The following DNAH9 variants were observed in gnomAD, a reference collection of about 807,000 sequenced individuals.
The protein encoded by DNAH9 is dynein axonemal heavy chain 9.
DNAH9 carries 345 observed loss-of-function variants against 471.6 expected under a neutral mutation model. The ratio of observed to expected loss-of-function variants is 0.73; its 90% confidence interval spans 0.67 to 0.80. DNAH9 has a LOEUF of 0.80. Ranked by LOEUF, DNAH9 falls within the 30% of genes least tolerant of loss-of-function variation. The pLI, the probability that DNAH9 is intolerant of heterozygous loss-of-function variation, is 0.00. For missense variants in DNAH9, 5,407 were observed against 5,609.2 expected (o/e 0.96, Z 1.15); for synonymous variants, 2,093 against 2,123.6 (o/e 0.99, Z 0.40).
rs1221647520 is a variant in DNAH9, at chr17:11,962,647, A to C, written c.13233+391A>C. Among the ~76,000 whole-genome samples, 1 of 152,192 alleles carries C rather than the reference A, an allele frequency of 6.6e-6. No homozygotes were observed. Among genetic ancestry groups the C allele is most frequent in the African/African-American group, 2.4e-5 (1 of 41,456 alleles). On this transcript the variant is annotated intron_variant, in intron 68 of 68. Transcript: ENST00000262442. This position sits in a 1 kb window ranked among gnomAD's most constrained non-coding sequence, Gnocchi z 4.1. Reference sequence around the variant, plus strand: ...CTTGAACAGTGCCTGGCACATAGGCAGTTATCAAAAAATGTTGGAGTCAGC... The same window carrying C: ...CTTGAACAGTGCCTGGCACATAGGCCGTTATCAAAAAATGTTGGAGTCAGC...
chr17:11,745,619 C>A (rs2075512653), intron 31 of DNAH9, among the ~76,000 whole-genome samples: 1 of 151,988 alleles, frequency 6.6e-6, no homozygotes, highest in Non-Finnish European at 1.5e-5. Context: ...ACAAAAACAG[C>A]CAGTGAAAAT....
At chr17:11,929,843 G>T (rs754778007) in intron 62 of DNAH9, 23 bp from the exon 63 acceptor site, 3 of 1,599,334 alleles carry the variant, frequency 1.9e-6, no homozygotes, top group East Asian at 2.2e-5. Context: ...TGTATTGAGG[G>T]GGGGCTCCTT....
chr17:11,677,007 T>C (rs2074059906), intron 17 of DNAH9, among the ~76,000 whole-genome samples: 2 of 152,228 alleles, frequency 1.3e-5, no homozygotes, highest in South Asian at 2.1e-4. Context: ...AAATGATATG[T>C]CTAATAACAA....
Position 11,654,094 on chromosome 17 carries a change from G to GT in DNAH9, c.2595+1092_2595+1093insT, listed in dbSNP as rs2073573459. Reference sequence around the variant, plus strand: ...ATCTAGGCCGGGCGCGGTGGCTCACGCTTGTAATCCCAGCACTTTGGGAGG... The same window carrying GT: ...ATCTAGGCCGGGCGCGGTGGCTCACGTCTTGTAATCCCAGCACTTTGGGAGG... On this transcript the variant is annotated intron_variant, in intron 14 of 68. Transcript: ENST00000262442. Among the ~76,000 whole-genome samples the GT allele has an allele frequency of 3.0e-5, 2 of 66,914 alleles. 1 individual carries two copies. The highest frequency in any genetic ancestry group is 7.3e-5 in the Non-Finnish European group (2 of 27,392). 43.9% of individuals were successfully genotyped at this position (66,914 alleles called of 152,430 possible). A position where few individuals can be genotyped will look rare whatever the true frequency, so the allele number is the denominator to read the frequency against.
chr17:11,877,473 T>TAAAAAAAAAAAA (rs550300868), intron 53 of DNAH9, among the ~76,000 whole-genome samples: 2 of 68,608 alleles, frequency 2.9e-5, no homozygotes, highest in African/African-American at 6.9e-5. Context: ...AAACTCTGTC[T>TAAAAAAAAAAAA]AAAAAAAAAA....
At position 11,933,989 on chromosome 17, in the gene DNAH9, G is replaced by A. The variant is rs143624582; in HGVS notation, c.12407G>A (p.Arg4136Gln). The change falls in exon 65 of 69, where the codon CGA (arginine) becomes CAA (glutamine). Residue 4136 changes from arginine to glutamine, a missense_variant. Transcript: ENST00000262442. ...LCRTYLGEFI[R>Q]PEMLEGELSL... Reference sequence around the variant, plus strand: ...AGAACCTACCTGGGGGAATTCATTCGACCAGAAATGTTAGAAGGAGAACTG... The same window carrying A: ...AGAACCTACCTGGGGGAATTCATTCAACCAGAAATGTTAGAAGGAGAACTG... 2.3e-5 allele frequency: 37 copies of A among 1,614,104 alleles called. No homozygotes were observed. In the Admixed American group the frequency reaches 4.2e-4, roughly 18 times the overall value.
rs533359288 is a variant in DNAH9 at position 11,697,024 on chromosome 17, A to G, written c.4872+2577A>G. ...GCTGGAACTACAGGCATGAGCCACC[A>G]CACCCAGCTAATTTTTTAAAATTCT... On this transcript the variant is annotated intron_variant, in intron 22 of 68. Coordinates refer to ENST00000262442, the MANE Select transcript of DNAH9 (RefSeq NM_001372.4). Among the ~76,000 whole-genome samples the G allele has an allele frequency of 3.2e-3, 487 of 152,224 alleles. 5 individuals are homozygous for G. The highest frequency in any genetic ancestry group is 0.017 in the Middle Eastern group (5 of 294).
chr17:11,599,262 G>T (rs2072334237), intron 1 of DNAH9, among the ~76,000 whole-genome samples: 5 of 152,102 alleles, frequency 3.3e-5, no homozygotes. Flanking sequence ...TCTGAAGAGT[G>T]CCTAGGTTCT....
chr17:11,762,022 A>G (rs994703440), intron 35 of DNAH9, among the ~76,000 whole-genome samples: 4 of 150,634 alleles, frequency 2.7e-5, no homozygotes, highest in African/African-American at 9.7e-5. Flanking sequence ...AGCCCAAGAG[A>G]GTTGTGTTAT....
intron 30 of DNAH9, among the ~76,000 whole-genome samples, chr17:11,744,166 A>G (rs981727932): frequency 1.3e-5 from 2 of 152,120 alleles, no homozygotes; most frequent in Non-Finnish European, 2.9e-5. Flanking sequence ...TTAAGTAGCA[A>G]TCTGCTACAA....
At chr17:11,951,326 T>C (rs1975353604) in intron 67 of DNAH9, among the ~76,000 whole-genome samples, 2 of 152,170 alleles carry the variant, frequency 1.3e-5, no homozygotes, top group African/African-American at 4.8e-5. Context: ...TAACCACAGG[T>C]TGGCAAGCAA....
At chr17:11,914,592 A>G (rs1442726736) in intron 61 of DNAH9, among the ~76,000 whole-genome samples, 3 of 152,204 alleles carry the variant, frequency 2.0e-5, no homozygotes, top group East Asian at 1.9e-4. Flanking sequence ...TTTTGCTTAT[A>G]TAGCAGTTTG....
chr17:11,841,306 G>A (rs1971021378), intron 49 of DNAH9, among the ~76,000 whole-genome samples: 1 of 152,162 alleles, frequency 6.6e-6, no homozygotes, highest in Admixed American at 6.6e-5. Context: ...GAAAAATGTG[G>A]TCCATGCTTT....
At chr17:11,641,277 AG>A (rs1346396542) in intron 10 of DNAH9, among the ~76,000 whole-genome samples, 1 of 151,970 alleles carries the variant, frequency 6.6e-6, no homozygotes, top group African/African-American at 2.4e-5. Flanking sequence ...CAAGCAGAAA[AG>A]CAGACCCAAT....
chr17:11,767,514 T>C (rs1345702064), intron 36 of DNAH9, among the ~76,000 whole-genome samples: 2 of 152,248 alleles, frequency 1.3e-5, no homozygotes, highest in Non-Finnish European at 2.9e-5. Flanking sequence ...GTTGTTACCA[T>C]GTGCCCAGCT....
Position 11,610,504 on chromosome 17 carries a change from A to G in DNAH9, c.723A>G (p.Leu241=). 6.2e-7 allele frequency: 1 copy of G among 1,613,394 alleles called. No homozygotes were observed. Among genetic ancestry groups the G allele is most frequent in the Non-Finnish European group, 8.5e-7 (1 of 1,179,948 alleles). ...AGAGAGAGTCTTCCCAGCCACTCTT[A>G]CAAGGGGAGAATCCCACCCCTAAGG... is the stretch of plus-strand genomic sequence containing the variant. ...VLKRESSQPL[L]QGENPTPKVE... Residue 241 remains leucine, a synonymous_variant, in exon 3 of 69, where the codon TTA becomes TTG. Transcript: ENST00000262442.
intron 27 of DNAH9, among the ~76,000 whole-genome samples, chr17:11,720,925 C>G (rs557466279): frequency 6.6e-6 from 1 of 152,110 alleles, no homozygotes; most frequent in Non-Finnish European, 1.5e-5. Flanking sequence ...TTTTCTCCCC[C>G]CTTTATAGAA....
chr17:11,772,286 G>T (rs1241557738), intron 38 of DNAH9, among the ~76,000 whole-genome samples: 1 of 151,814 alleles, frequency 6.6e-6, no homozygotes, highest in African/African-American at 2.4e-5. Context: ...CAGAAAAAGT[G>T]ATTTAATTCT....
Position 11,611,709 on chromosome 17 carries a change from C to G in DNAH9, c.833C>G (p.Ala278Gly). Reference protein sequence around the residue: ...QLRTITVRGMAKLLDKLQSSY... With the variant: ...QLRTITVRGMGKLLDKLQSSY... ...AGAACAATAACGGTGAGGGGCATGGCCAAGCTCCTGGACAAGCTTCAGAGT... is the reference window on the plus strand; with the variant it reads ...AGAACAATAACGGTGAGGGGCATGGGCAAGCTCCTGGACAAGCTTCAGAGT... The change falls in exon 4 of 69, where the codon GCC (alanine) becomes GGC (glycine). Residue 278 changes from alanine to glycine, a missense_variant. Coordinates refer to ENST00000262442, the MANE Select transcript of DNAH9 (RefSeq NM_001372.4). 6.2e-7 allele frequency: 1 copy of G among 1,613,838 alleles called. No homozygotes were observed. Among genetic ancestry groups the G allele is most frequent in the Non-Finnish European group, 8.5e-7 (1 of 1,179,682 alleles).
Sources: allele counts gnomAD v4.1 joint callset (sites outside exome capture counted in the v4.1 genomes callset), GRCh38; gene constraint gnomAD v4.1.1; non-coding constraint Gnocchi (gnomAD v3.1); transcripts MANE v1.5; gene names NCBI Gene and HGNC (gene_info 2026-07-23, HGNC 2026-07-21).